Variants in PID1 observed in about 807,000 individuals in gnomAD.
PID1 encodes the protein PTB-containing, cubilin and LRP1-interacting protein.
Under a neutral mutation model 19.1 loss-of-function variants are expected in PID1, and 10 were observed. The observed-to-expected ratio is 0.52, with a 90% CI of 0.32 to 0.89. The LOEUF (loss-of-function observed/expected upper bound fraction) is 0.89. Ranked by LOEUF, PID1 falls within the 40% of genes least tolerant of loss-of-function variation. PID1 has a pLI of 0.03. For synonymous variants in PID1, 130 were observed against 116.0 expected (o/e 1.12, Z -0.78); for missense variants, 248 against 285.3 (o/e 0.87, Z 0.94).
chr2:229,173,246 T>C (rs1320437397), intron 1 of PID1, among the ~76,000 whole-genome samples: 1 of 152,190 alleles, frequency 6.6e-6, no homozygotes, highest in Non-Finnish European at 1.5e-5. Context: ...ATGGGGTCTG[T>C]CCAAATTCAG....
chr2:229,035,195 C>T (rs148892745), intron 2 of PID1, among the ~76,000 whole-genome samples: 11 of 152,206 alleles, frequency 7.2e-5, no homozygotes, highest in Non-Finnish European at 1.5e-4. Context: ...CAATAGACTA[C>T]GAATAAAGCA....
At chr2:229,113,448 AC>A (rs1695340653) in intron 2 of PID1, among the ~76,000 whole-genome samples, 1 of 31,312 alleles carries the variant, frequency 3.2e-5, no homozygotes, top group Non-Finnish European at 1.1e-4. Flanking sequence ...ATATACACAC[AC>A]AAACACACAC....
intron 2 of PID1, among the ~76,000 whole-genome samples, chr2:229,075,542 T>G (rs1227377234): frequency 1.3e-5 from 2 of 152,168 alleles, no homozygotes; most frequent in African/African-American, 4.8e-5. Context: ...ATAAATCCAG[T>G]GAAAGTCTAA....
intron 2 of PID1, among the ~76,000 whole-genome samples, chr2:229,057,503 A>C (rs1173404242): frequency 3.9e-5 from 6 of 152,094 alleles, no homozygotes; most frequent in Non-Finnish European, 8.8e-5. Context: ...AACTCCAAAG[A>C]AGCTACTGCA....
At chr2:229,026,951 G>C (rs1693436753) in intron 2 of PID1, among the ~76,000 whole-genome samples, 1 of 152,120 alleles carries the variant, frequency 6.6e-6, no homozygotes, top group Admixed American at 6.5e-5. Flanking sequence ...AAAATGCACA[G>C]AATTACTATT....
At chr2:229,203,719 T>C (rs942158935) in intron 1 of PID1, among the ~76,000 whole-genome samples, 2 of 151,740 alleles carry the variant, frequency 1.3e-5, no homozygotes, top group African/African-American at 4.8e-5. Flanking sequence ...TGCACACAGG[T>C]GAGTCATGAT....
intron 1 of PID1, among the ~76,000 whole-genome samples, chr2:229,255,325 G>A (rs994367766): frequency 2.0e-5 from 3 of 152,176 alleles, no homozygotes; most frequent in Non-Finnish European, 4.4e-5. Flanking sequence ...AATGGGTAGC[G>A]TTAAGCAGAT....
At chr2:229,080,443 C>A (rs920929722) in intron 2 of PID1, among the ~76,000 whole-genome samples, 3 of 152,168 alleles carry the variant, frequency 2.0e-5, no homozygotes, top group Admixed American at 6.5e-5. Flanking sequence ...AGCTTCCTGA[C>A]TTACTTTGTG....
At chr2:229,207,893 C>T (rs762608859) in intron 1 of PID1, among the ~76,000 whole-genome samples, 3 of 152,024 alleles carry the variant, frequency 2.0e-5, no homozygotes, top group African/African-American at 2.4e-5. Flanking sequence ...TGGAAAAAGG[C>T]TAACACTGTG....
At chr2:229,260,502 A>G (rs1690431894) in intron 1 of PID1, among the ~76,000 whole-genome samples, 1 of 150,348 alleles carries the variant, frequency 6.7e-6, no homozygotes. Context: ...ATATATGTGC[A>G]TGTGTGTGTG....
chr2:229,138,954 A>G (rs1055004368), intron 2 of PID1, among the ~76,000 whole-genome samples: 3 of 150,088 alleles, frequency 2.0e-5, no homozygotes, highest in Non-Finnish European at 3.0e-5. Flanking sequence ...GGTACTGAAG[A>G]AAAGAGAAAT....
At position 229,155,586 on chromosome 2, in the gene PID1, AAC is replaced by A. The variant is rs1448851851; in HGVS notation, c.177+230_177+231del. Among the ~76,000 whole-genome samples, 4 of 152,016 alleles carry A rather than the reference AAC, an allele frequency of 2.6e-5. 1 individual carries two copies. Among genetic ancestry groups the A allele is most frequent in the Admixed American group, 6.6e-5 (1 of 15,240 alleles). ...AGACTCCGTCTCAAAAAAAAACAAAAACAAAAAAACCCTAGGTCTTTAATGCG... is the reference window on the plus strand; with the variant it reads ...AGACTCCGTCTCAAAAAAAAACAAAAAAAAAAACCCTAGGTCTTTAATGCG... On this transcript the variant is annotated intron_variant, in intron 2 of 2. Coordinates refer to ENST00000392055, the MANE Select transcript of PID1 (RefSeq NM_001100818.2).
At chr2:229,036,878 G>A (rs115887418) in intron 2 of PID1, among the ~76,000 whole-genome samples, 174 of 152,336 alleles carry the variant, frequency 1.1e-3, no homozygotes, top group African/African-American at 4.0e-3. Context: ...CCTAATGTCT[G>A]CTTAGCCAGG....
At position 229,139,127 on chromosome 2, in the gene PID1, A is replaced by G. The variant is rs935833511; in HGVS notation, c.177+16691T>C. Among the ~76,000 whole-genome samples the G allele has an allele frequency of 1.7e-4, 18 of 107,284 alleles. 1 individual carries two copies. Among genetic ancestry groups the G allele is most frequent in the African/African-American group, 6.0e-4 (16 of 26,700 alleles). 70.4% of individuals were successfully genotyped at this position (107,284 alleles called of 152,430 possible). A position where few individuals can be genotyped will look rare whatever the true frequency, so the allele number is the denominator to read the frequency against. On this transcript the variant is annotated intron_variant, in intron 2 of 2. Transcript: ENST00000392055. ...AGAAAGAAAGAAAGAGAAAGAAAGAAAGAAAGAAAGAAAGAAAGAAAGCAA... is the reference window on the plus strand; with the variant it reads ...AGAAAGAAAGAAAGAGAAAGAAAGAGAGAAAGAAAGAAAGAAAGAAAGCAA...
At chr2:229,057,469 A>AAC (rs1694128547) in intron 2 of PID1, among the ~76,000 whole-genome samples, 1 of 151,738 alleles carries the variant, frequency 6.6e-6, no homozygotes. Context: ...AAAAAAAAAA[A>AAC]AACCTACTAA....
In PID1 at chr2:229,116,749, T is replaced by A. The variant is rs1181802273; in HGVS notation, c.177+39069A>T. ...CCTCTTTCCTTTATAAATTACCCAG[T>A]CTTGGGTATGTCTTTATTAGTTGTA... is the stretch of plus-strand genomic sequence containing the variant. On this transcript the variant is annotated intron_variant, in intron 2 of 2. Coordinates refer to ENST00000392055, the MANE Select transcript of PID1 (RefSeq NM_001100818.2). 2.0e-5 allele frequency among the ~76,000 whole-genome samples: 3 copies of A among 152,176 alleles called. No homozygotes were observed. In the East Asian group the frequency reaches 5.8e-4, roughly 29 times the overall value.
intron 2 of PID1, among the ~76,000 whole-genome samples, chr2:229,070,837 T>G (rs796295026): frequency 6.6e-6 from 1 of 152,204 alleles, no homozygotes; most frequent in South Asian, 2.1e-4. Flanking sequence ...CACCAGGGCT[T>G]TCTTATCAGC....
intron 1 of PID1, among the ~76,000 whole-genome samples, chr2:229,194,217 C>T (rs1415214860): frequency 6.6e-6 from 1 of 151,988 alleles, no homozygotes; most frequent in Non-Finnish European, 1.5e-5. Context: ...GAAAAAAATG[C>T]ACAGTTAAAA....
intron 2 of PID1, among the ~76,000 whole-genome samples, chr2:229,129,404 A>C: frequency 1.5e-5 from 2 of 132,246 alleles, no homozygotes; most frequent in African/African-American, 2.9e-5. Flanking sequence ...ACAGAGCAAG[A>C]CTCCATCTCA....
Sources: allele counts gnomAD v4.1 joint callset (sites outside exome capture counted in the v4.1 genomes callset), GRCh38; gene constraint gnomAD v4.1.1; transcripts MANE v1.5; gene names NCBI Gene and HGNC (gene_info 2026-07-23, HGNC 2026-07-21).